PCSK2: variants seen among roughly 807,000 people sequenced by gnomAD.
PCSK2 encodes the protein proprotein convertase subtilisin/kexin type 2.
Under a neutral mutation model 69.7 loss-of-function variants are expected in PCSK2, and 14 were observed. The ratio of observed to expected loss-of-function variants is 0.20; its 90% CI spans 0.13 to 0.31. PCSK2 has a LOEUF of 0.31. Ranked by LOEUF, PCSK2 falls within the 10% of genes least tolerant of loss-of-function variation. PCSK2 has a pLI of 1.00. For synonymous variants in PCSK2, 307 were observed against 320.7 expected, an observed-to-expected ratio of 0.96 and a Z score of 0.46; for missense variants, 544 against 842.5, an observed-to-expected ratio of 0.65 and a Z score of 4.39.
intron 5 of PCSK2, among the ~76,000 whole-genome samples, chr20:17,374,865 T>A (rs564475222): frequency 1.3e-5 from 2 of 151,320 alleles, no homozygotes; most frequent in African/African-American, 2.4e-5. Context: ...GCAGACAGAG[T>A]CTTCAGCAGA....
At chr20:17,414,705 T>A (rs1220456408) in intron 6 of PCSK2, among the ~76,000 whole-genome samples, 2 of 152,166 alleles carry the variant, frequency 1.3e-5, no homozygotes, top group African/African-American at 4.8e-5. Context: ...ATCATCCTGA[T>A]ACCAAAGCCT....
chr20:17,408,241 T>C (rs769345257), intron 5 of PCSK2, among the ~76,000 whole-genome samples: 5 of 151,328 alleles, frequency 3.3e-5, no homozygotes, highest in Admixed American at 6.6e-5. Context: ...GAGAGGAGAA[T>C]GAGATGAGGA....
intron 6 of PCSK2, among the ~76,000 whole-genome samples, chr20:17,410,391 G>A (rs1339590075): frequency 6.6e-6 from 1 of 152,136 alleles, no homozygotes; most frequent in Admixed American, 6.5e-5. Flanking sequence ...AGCCTCAGTG[G>A]ACAGGAAGCT....
chr20:17,362,401 C>T lies in PCSK2; in HGVS notation c.505+1761C>T, dbSNP rs117158936. On this transcript the variant is annotated intron_variant, in intron 4 of 11. Coordinates refer to ENST00000262545, the MANE Select transcript of PCSK2 (RefSeq NM_002594.5). ...AAAACAACCATATTATTATCTCTCA[C>T]GGTTCTGTGGGTTGCTGGAGTTCAT... Among the ~76,000 whole-genome samples the T allele has an allele frequency of 2.9e-3, 439 of 152,270 alleles. 4 individuals are homozygous for T. Among genetic ancestry groups the T allele is most frequent in the East Asian group, 0.028 (143 of 5,176 alleles).
intron 10 of PCSK2, among the ~76,000 whole-genome samples, chr20:17,462,544 T>C (rs544886263): frequency 7.4e-4 from 113 of 152,318 alleles, no homozygotes; most frequent in Non-Finnish European, 1.3e-3. Context: ...CTCAGCATCC[T>C]GAGCTCCCCC....
intron 2 of PCSK2, among the ~76,000 whole-genome samples, chr20:17,290,787 A>T (rs1988669236): frequency 6.6e-6 from 1 of 152,198 alleles, no homozygotes; most frequent in African/African-American, 2.4e-5. Flanking sequence ...TTTGGCCTAC[A>T]GCTCTGGAGG....
In PCSK2 at chr20:17,271,308, A is replaced by G. The variant is rs549213262; in HGVS notation, c.282+10964A>G. 2.6e-5 allele frequency among the ~76,000 whole-genome samples: 4 copies of G among 152,214 alleles called. 1 individual carries two copies. In the South Asian group the frequency reaches 8.3e-4, roughly 32 times the overall value. On this transcript the variant is annotated intron_variant, in intron 2 of 11. Transcript: ENST00000262545. ...GTTATTCATCCACTTCAAAGATAAT[A>G]GCTCCTCTATCATGTTTTATAAATT... is the stretch of plus-strand genomic sequence containing the variant.
intron 1 of PCSK2, among the ~76,000 whole-genome samples, chr20:17,245,247 T>C (rs572738008): frequency 2.0e-4 from 31 of 152,304 alleles, no homozygotes; most frequent in African/African-American, 7.5e-4. Flanking sequence ...TTTAAAAAAA[T>C]GGAAATTACT....
chr20:17,428,167 T>A (rs935715152), intron 6 of PCSK2, among the ~76,000 whole-genome samples: 2 of 152,180 alleles, frequency 1.3e-5, no homozygotes, highest in African/African-American at 4.8e-5. Context: ...ACAGAAGACT[T>A]ATTTAATATC....
At chr20:17,368,004 A>G (rs1344292311) in intron 4 of PCSK2, among the ~76,000 whole-genome samples, 1 of 152,174 alleles carries the variant, frequency 6.6e-6, no homozygotes, top group Non-Finnish European at 1.5e-5. Flanking sequence ...CATCAAAATC[A>G]ACAGTGAAAC....
intron 11 of PCSK2, among the ~76,000 whole-genome samples, chr20:17,477,198 T>A (rs1461013260): frequency 6.6e-6 from 1 of 152,238 alleles, no homozygotes; most frequent in East Asian, 1.9e-4. Context: ...GTAAATGTGC[T>A]TTACAAGATG....
chr20:17,294,239 G>A (rs1007933776), intron 2 of PCSK2, among the ~76,000 whole-genome samples: 1 of 151,004 alleles, frequency 6.6e-6, no homozygotes, highest in Non-Finnish European at 1.5e-5. Flanking sequence ...CGAGTAGCTG[G>A]GACTACAGGC....
intron 2 of PCSK2, among the ~76,000 whole-genome samples, chr20:17,294,317 A>G (rs375041700): frequency 1.4e-5 from 2 of 147,854 alleles, no homozygotes; most frequent in East Asian, 2.0e-4. Context: ...CGTGTTAGCC[A>G]GGATGGTCTC....
intron 2 of PCSK2, among the ~76,000 whole-genome samples, chr20:17,356,753 A>G (rs1600517958): frequency 6.6e-6 from 1 of 152,230 alleles, no homozygotes; most frequent in East Asian, 1.9e-4. Context: ...GCTGGGTTGC[A>G]GGAACATAGT....
chr20:17,326,154 A>G (rs1434541646), intron 2 of PCSK2, among the ~76,000 whole-genome samples: 1 of 152,246 alleles, frequency 6.6e-6, no homozygotes, highest in African/African-American at 2.4e-5. Context: ...GGGTACAGCA[A>G]AGGATGAAAA....
chr20:17,424,935 C>A (rs920961238), intron 6 of PCSK2, among the ~76,000 whole-genome samples: 3 of 152,060 alleles, frequency 2.0e-5, no homozygotes, highest in African/African-American at 7.2e-5. Context: ...CAGAGACAGG[C>A]CACCATACCT....
intron 1 of PCSK2, among the ~76,000 whole-genome samples, chr20:17,237,414 C>T (rs749220464): frequency 8.5e-5 from 13 of 152,092 alleles, no homozygotes; most frequent in African/African-American, 1.4e-4. Flanking sequence ...AAAGCGAAGT[C>T]CTAGGACAAA....
chr20:17,371,561 T>C (rs1021188399), intron 5 of PCSK2, among the ~76,000 whole-genome samples: 2 of 152,204 alleles, frequency 1.3e-5, no homozygotes, highest in African/African-American at 4.8e-5. Context: ...ATGCATGTTA[T>C]CTGTCAAAAA....
At chr20:17,455,647 C>T (rs2032905657) in intron 9 of PCSK2, among the ~76,000 whole-genome samples, 2 of 152,204 alleles carry the variant, frequency 1.3e-5, no homozygotes, top group African/African-American at 2.4e-5. Context: ...GGCCTTTGGC[C>T]TTTCAAGGGC....
Sources: gnomAD v4.1 joint callset for allele counts (sites outside exome capture counted in the v4.1 genomes callset) on GRCh38, gnomAD v4.1.1 for gene constraint, MANE v1.5 for transcripts, NCBI Gene and HGNC (gene_info 2026-07-23, HGNC 2026-07-21) for gene names.